Variants in LUZP2 observed in about 807,000 individuals in gnomAD.
The protein encoded by LUZP2 is leucine zipper protein 2.
LUZP2 carries 52 observed loss-of-function variants against 51.6 expected under a neutral mutation model. That is an observed-to-expected ratio of 1.01 (90% CI 0.81 to 1.27). The LOEUF (loss-of-function observed/expected upper bound fraction) is 1.27, where lower values mean the gene tolerates loss of function less well. Among genes scored for constraint, LUZP2 ranks in the 50% most tolerant of loss-of-function variants. The pLI is 0.00. For synonymous variants in LUZP2, 154 were observed against 137.3 expected (o/e 1.12, Z -0.85); for missense variants, 436 against 395.4 (o/e 1.10, Z -0.87).
In LUZP2 at chr11:24,848,006, T is replaced by A. The variant is rs150669729; in HGVS notation, c.397-57985T>A. Among the ~76,000 whole-genome samples the A allele has an allele frequency of 3.8e-3, 577 of 152,274 alleles. 7 individuals carry two copies. Among genetic ancestry groups the A allele is most frequent in the Non-Finnish European group, 5.8e-3 (397 of 68,014 alleles). Reference sequence around the variant, plus strand: ...TTCTGGTACATAGAATCATTTAAGATCACTTTGACTTTTATCTGACTCAGT... The same window carrying A: ...TTCTGGTACATAGAATCATTTAAGAACACTTTGACTTTTATCTGACTCAGT... On this transcript the variant is annotated intron_variant, in intron 5 of 11. Coordinates refer to ENST00000336930, the MANE Select transcript of LUZP2 (RefSeq NM_001009909.4).
intron 9 of LUZP2, among the ~76,000 whole-genome samples, chr11:25,032,349 A>G (rs1437711741): frequency 2.0e-5 from 3 of 152,196 alleles, no homozygotes; most frequent in Non-Finnish European, 4.4e-5. Context: ...ATGACAACAA[A>G]TTTAGCAACA....
At chr11:24,995,395 G>C (rs1203763570) in intron 9 of LUZP2, among the ~76,000 whole-genome samples, 1 of 151,878 alleles carries the variant, frequency 6.6e-6, no homozygotes, top group East Asian at 1.9e-4. Context: ...CTTGTCCTCA[G>C]AAAATAAAAA....
At chr11:24,742,544 G>A (rs1415293533) in intron 4 of LUZP2, among the ~76,000 whole-genome samples, 2 of 151,492 alleles carry the variant, frequency 1.3e-5, no homozygotes, top group Non-Finnish European at 3.0e-5. Context: ...CTTTTTGATG[G>A]GATTCTTTTT....
At chr11:24,731,323 G>T (rs1858705693) in intron 2 of LUZP2, among the ~76,000 whole-genome samples, 1 of 151,558 alleles carries the variant, frequency 6.6e-6, no homozygotes, top group Non-Finnish European at 1.5e-5. Context: ...TTCCCTACCA[G>T]TCACAACTAT....
intron 9 of LUZP2, among the ~76,000 whole-genome samples, chr11:24,993,387 G>A (rs1024274710): frequency 6.6e-6 from 1 of 152,054 alleles, no homozygotes; most frequent in Admixed American, 6.6e-5. Flanking sequence ...CATTATTTGG[G>A]TTATTTACAT....
intron 5 of LUZP2, among the ~76,000 whole-genome samples, chr11:24,783,641 C>G (rs1849157085): frequency 6.6e-6 from 1 of 151,800 alleles, no homozygotes; most frequent in Admixed American, 6.6e-5. Context: ...CTGTGGAGGA[C>G]TCTGATTTGT....
chr11:24,636,733 T>C (rs1326096906), intron 1 of LUZP2, among the ~76,000 whole-genome samples: 1 of 152,208 alleles, frequency 6.6e-6, no homozygotes, highest in African/African-American at 2.4e-5. Context: ...TCTACACTTC[T>C]TTCCTATCAC....
At chr11:24,656,918 A>T (rs1189060227) in intron 1 of LUZP2, among the ~76,000 whole-genome samples, 1 of 152,142 alleles carries the variant, frequency 6.6e-6, no homozygotes, top group Non-Finnish European at 1.5e-5. Flanking sequence ...CTTTATCTTA[A>T]TGTCTGTAAC....
rs536802349 is a variant in LUZP2, at chr11:24,997,081, G to C, written c.765+13788G>C. 2.0e-5 allele frequency among the ~76,000 whole-genome samples: 3 copies of C among 149,970 alleles called. No individual in the cohort carries two copies. The South Asian group carries it at 6.5e-4, about 32-fold the overall frequency. ...GTGAATAGTGCCACAATAAACATAC[G>C]TGTGCATGTGTCTTTATAGCAGCAT... is the stretch of plus-strand genomic sequence containing the variant. On this transcript the variant is annotated intron_variant, in intron 9 of 11. Transcript: ENST00000336930.
chr11:25,080,595 A>G lies in LUZP2; in HGVS notation c.*1937A>G, dbSNP rs1454438674. On this transcript the variant is annotated 3_prime_UTR_variant, in exon 12 of 12. Transcript: ENST00000336930. ...TTCTGACTCCTTCATATTTCTAAAAATAATCATACAAACTAGAATACTGCT... is the reference window on the plus strand; with the variant it reads ...TTCTGACTCCTTCATATTTCTAAAAGTAATCATACAAACTAGAATACTGCT... The G allele has an allele frequency of 1.3e-5, 2 of 152,170 alleles. No homozygotes were observed. Among genetic ancestry groups the G allele is most frequent in the African/African-American group, 4.8e-5 (2 of 41,444 alleles). The allele number at this position is 152,170 out of a possible 1,614,324, so 9.4% of individuals were successfully genotyped here. A position where few individuals can be genotyped will look rare whatever the true frequency, so the allele number is the denominator to read the frequency against.
chr11:24,797,947 C>T (rs1156325395), intron 5 of LUZP2, among the ~76,000 whole-genome samples: 1 of 152,026 alleles, frequency 6.6e-6, no homozygotes, highest in Non-Finnish European at 1.5e-5. Context: ...TAATTAGAGC[C>T]TGTGTCTGAC....
intron 7 of LUZP2, among the ~76,000 whole-genome samples, chr11:24,919,830 A>T (rs1853972062): frequency 6.6e-6 from 1 of 151,292 alleles, no homozygotes; most frequent in African/African-American, 2.4e-5. Context: ...TTCAAAAGAA[A>T]TACAATAGTT....
intron 5 of LUZP2, among the ~76,000 whole-genome samples, chr11:24,795,473 A>G (rs1849520749): frequency 6.6e-6 from 1 of 152,296 alleles, no homozygotes; most frequent in African/African-American, 2.4e-5. Context: ...CATTTTACAG[A>G]GTATTTTCAA....
chr11:24,876,463 A>G (rs369487586), intron 5 of LUZP2, among the ~76,000 whole-genome samples: 12 of 147,832 alleles, frequency 8.1e-5, no homozygotes, highest in African/African-American at 1.3e-4. Context: ...CTATATCTCT[A>G]TTTTGGTACC....
intron 1 of LUZP2, among the ~76,000 whole-genome samples, chr11:24,624,760 C>A (rs1854620259): frequency 6.6e-6 from 1 of 152,132 alleles, no homozygotes; most frequent in Non-Finnish European, 1.5e-5. Context: ...TCTCTCTGAG[C>A]TCCATATGTG....
chr11:24,741,791 A>AAT (rs1859153187), intron 4 of LUZP2, among the ~76,000 whole-genome samples: 3 of 144,308 alleles, frequency 2.1e-5, no homozygotes, highest in South Asian at 4.2e-4. Flanking sequence ...ATATATGGTT[A>AAT]ATATATATAT....
intron 1 of LUZP2, among the ~76,000 whole-genome samples, chr11:24,677,165 G>GTAGC (rs1382347588): frequency 6.6e-6 from 1 of 151,950 alleles, no homozygotes; most frequent in Non-Finnish European, 1.5e-5. Flanking sequence ...ATCTCCACCT[G>GTAGC]TAGCTGCCTG....
chr11:24,946,063 A>G (rs1590760232), intron 7 of LUZP2, among the ~76,000 whole-genome samples: 1 of 152,052 alleles, frequency 6.6e-6, no homozygotes, highest in Non-Finnish European at 1.5e-5. Context: ...AAGTAGAAAC[A>G]TACAATATTG....
At chr11:25,025,608 A>G (rs2133981365) in intron 9 of LUZP2, among the ~76,000 whole-genome samples, 1 of 152,312 alleles carries the variant, frequency 6.6e-6, no homozygotes, top group African/African-American at 2.4e-5. Context: ...ATCTCACACC[A>G]GTTAGAATGG....
Sources: gnomAD v4.1 joint callset for allele counts (sites outside exome capture counted in the v4.1 genomes callset) on GRCh38, gnomAD v4.1.1 for gene constraint, MANE v1.5 for transcripts, NCBI Gene and HGNC (gene_info 2026-07-23, HGNC 2026-07-21) for gene names.